HMGCLL1: variants seen among roughly 807,000 people sequenced by gnomAD.
The protein encoded by HMGCLL1 is 3-hydroxymethyl-3-methylglutaryl-CoA lyase, cytoplasmic.
In HMGCLL1, 36 loss-of-function variants were observed where a neutral mutation model predicts 39.1. That is an observed-to-expected ratio of 0.92 (90% CI 0.71 to 1.22). The LOEUF (loss-of-function observed/expected upper bound fraction) is 1.22. Ranked by LOEUF, HMGCLL1 falls within the 50% of genes most tolerant of loss-of-function variation. The pLI is 0.00. For missense variants in HMGCLL1, 451 were observed against 416.5 expected (o/e 1.08, Z -0.72); for synonymous variants, 149 against 144.0 (o/e 1.03, Z -0.25).
the HMGCLL1 span, among the ~76,000 whole-genome samples, chr6:55,650,090 CATAT>C: frequency 0.036 from 1,875 of 52,034 alleles, 90 homozygotes; most frequent in Non-Finnish European, 0.049. Flanking sequence ...CACACATATA[CATAT>C]ATATATATAT....
At chr6:55,660,193 A>G in the HMGCLL1 span, among the ~76,000 whole-genome samples, 15 of 151,854 alleles carry the variant, frequency 9.9e-5, no homozygotes, top group Non-Finnish European at 1.9e-4. Context: ...CAGAAAGACA[A>G]GAAAAAGCCA....
the HMGCLL1 span, among the ~76,000 whole-genome samples, chr6:55,642,653 G>A: frequency 7.2e-5 from 11 of 151,992 alleles, no homozygotes; most frequent in South Asian, 2.1e-4. Context: ...TCTACTTTAC[G>A]TTCAGGGGTA....
chr6:55,521,584 C>T (rs1768046158), intron 3 of HMGCLL1, among the ~76,000 whole-genome samples: 1 of 152,016 alleles, frequency 6.6e-6, no homozygotes, highest in Admixed American at 6.6e-5. Flanking sequence ...TCTGTGATCA[C>T]TGATCTTTGA....
intron 1 of HMGCLL1, chr6:55,566,522 C>T (rs1771220363): frequency 2.3e-6 from 1 of 442,906 alleles, no homozygotes; most frequent in South Asian, 1.6e-5. Flanking sequence ...GAAAAAAGAG[C>T]CCGAACACTG....
At chr6:55,508,960 ATG>A (rs1767302532) in intron 5 of HMGCLL1, among the ~76,000 whole-genome samples, 1 of 151,712 alleles carries the variant, frequency 6.6e-6, no homozygotes, top group African/African-American at 2.4e-5. Context: ...TTACCTCAAA[ATG>A]TCTAAATGAA....
the HMGCLL1 span, among the ~76,000 whole-genome samples, chr6:55,612,773 T>G: frequency 9.2e-3 from 1,408 of 152,270 alleles, 26 homozygotes; most frequent in African/African-American, 0.033. Context: ...AAGGGACCCC[T>G]TCCTTACACC....
rs552337857 is a variant in HMGCLL1 at position 55,543,215 on chromosome 6, T to TTATATATTATATATTA, written c.109-1076_109-1075insTAATATATAATATATA. 5.0e-4 allele frequency among the ~76,000 whole-genome samples: 8 copies of TTATATATTATATATTA among 16,122 alleles called. 1 individual carries two copies. Among genetic ancestry groups the TTATATATTATATATTA allele is most frequent in the African/African-American group, 1.5e-3 (8 of 5,242 alleles). 10.6% of individuals were successfully genotyped at this position (16,122 alleles called of 152,430 possible). A position where few individuals can be genotyped will look rare whatever the true frequency, so the allele number is the denominator to read the frequency against. ...TATATTATATATTATATATTATATATTATATAATATATAATATAGATATAA... is the reference window on the plus strand; with the variant it reads ...TATATTATATATTATATATTATATATTATATATTATATATTATATATAATATATAATATAGATATAA... On this transcript the variant is annotated intron_variant, in intron 1 of 8. Transcript: ENST00000274901.
rs1004009500 is a variant in HMGCLL1, at chr6:55,575,582, T to C, written c.108+3366A>G. 3.9e-5 allele frequency among the ~76,000 whole-genome samples: 6 copies of C among 152,238 alleles called. No homozygotes were observed. The East Asian group carries it at 1.2e-3, about 29-fold the overall frequency. On this transcript the variant is annotated intron_variant, in intron 1 of 8. Transcript: ENST00000274901. ...CATAATTATTTCAAAATACAGAATT[T>C]TCTATCTGTTCTAACTACAATCAAA...
intron 1 of HMGCLL1, among the ~76,000 whole-genome samples, chr6:55,553,419 CAGA>C (rs1770475759): frequency 6.6e-6 from 1 of 151,672 alleles, no homozygotes; most frequent in South Asian, 2.1e-4. Context: ...GCCTGGGTGA[CAGA>C]AGGAGACTCC....
chr6:55,656,091 A>G, the HMGCLL1 span, among the ~76,000 whole-genome samples: 3 of 151,958 alleles, frequency 2.0e-5, no homozygotes, highest in African/African-American at 2.4e-5. Flanking sequence ...TAGAAACCCA[A>G]CTTCCTATCG....
chr6:55,468,770 G>A (rs1764902087), intron 7 of HMGCLL1, among the ~76,000 whole-genome samples: 2 of 151,926 alleles, frequency 1.3e-5, no homozygotes, highest in African/African-American at 4.8e-5. Flanking sequence ...TTTAGAGGCA[G>A]TGCTTGTAAC....
intron 7 of HMGCLL1, among the ~76,000 whole-genome samples, chr6:55,443,504 G>A (rs1447446403): frequency 6.6e-6 from 1 of 152,088 alleles, no homozygotes; most frequent in Non-Finnish European, 1.5e-5. Flanking sequence ...TTGGCCTTTT[G>A]GGAAAGAGTG....
At chr6:55,643,076 A>G in the HMGCLL1 span, among the ~76,000 whole-genome samples, 3 of 151,972 alleles carry the variant, frequency 2.0e-5, no homozygotes, top group Non-Finnish European at 4.4e-5. Context: ...TTTCTTTACT[A>G]TTGTGAATAA....
chr6:55,606,653 T>C, the HMGCLL1 span, among the ~76,000 whole-genome samples: 1 of 152,212 alleles, frequency 6.6e-6, no homozygotes, highest in Non-Finnish European at 1.5e-5. Context: ...ACATAATTCA[T>C]GCTAAAATTA....
intron 7 of HMGCLL1, among the ~76,000 whole-genome samples, chr6:55,489,740 T>G (rs547220571): frequency 6.6e-6 from 1 of 152,188 alleles, no homozygotes; most frequent in Admixed American, 6.6e-5. Context: ...TATCTTTAAT[T>G]TTTGGAATTA....
intron 5 of HMGCLL1, among the ~76,000 whole-genome samples, chr6:55,507,050 A>G (rs1399099103): frequency 1.3e-5 from 2 of 151,698 alleles, no homozygotes; most frequent in South Asian, 4.1e-4. Flanking sequence ...AACAGAAAAC[A>G]TGTTCTGACT....
At chr6:55,616,856 T>C in the HMGCLL1 span, among the ~76,000 whole-genome samples, 2 of 151,916 alleles carry the variant, frequency 1.3e-5, no homozygotes, top group East Asian at 3.9e-4. Context: ...GATTTTGCTA[T>C]ATAACAAAAA....
At chr6:55,491,338 T>G (rs1220595474) in intron 7 of HMGCLL1, among the ~76,000 whole-genome samples, 1 of 152,100 alleles carries the variant, frequency 6.6e-6, no homozygotes, top group Non-Finnish European at 1.5e-5. Flanking sequence ...ACCCTAAAAC[T>G]TAAAGTATAA....
At chr6:55,531,577 A>G (rs1768679255) in intron 3 of HMGCLL1, among the ~76,000 whole-genome samples, 1 of 152,168 alleles carries the variant, frequency 6.6e-6, no homozygotes, top group Non-Finnish European at 1.5e-5. Flanking sequence ...TGAATAAAAG[A>G]TAAGGTAAAG....
Sources: allele counts gnomAD v4.1 joint callset (sites outside exome capture counted in the v4.1 genomes callset), GRCh38; gene constraint gnomAD v4.1.1; transcripts MANE v1.5; gene names NCBI Gene and HGNC (gene_info 2026-07-23, HGNC 2026-07-21).